SMARCC1: variants seen among roughly 807,000 people sequenced by gnomAD.
SMARCC1 encodes SWI/SNF related BAF chromatin remodeling complex subunit C1.
In SMARCC1, 43 loss-of-function variants were observed where a neutral mutation model predicts 147.4. The ratio of observed to expected loss-of-function variants is 0.29; its 90% CI spans 0.23 to 0.38. The LOEUF (loss-of-function observed/expected upper bound fraction) is 0.38, where lower values mean the gene tolerates loss of function less well. Among genes scored for constraint, SMARCC1 ranks in the 10% least tolerant of loss-of-function variants. The pLI is 1.00. For synonymous variants in SMARCC1, 495 were observed against 484.4 expected, an observed-to-expected ratio of 1.02 and a Z score of -0.29; for missense variants, 1,119 against 1,381.1, an observed-to-expected ratio of 0.81 and a Z score of 3.01.
intron 27 of SMARCC1, among the ~76,000 whole-genome samples, chr3:47,588,511 C>T (rs999717571): frequency 6.6e-6 from 1 of 152,122 alleles, no homozygotes; most frequent in Admixed American, 6.5e-5. Flanking sequence ...TTAGCCTAAC[C>T]CTAGTGGCTG....
At chr3:47,608,872 A>G (rs1305223871) in intron 26 of SMARCC1, among the ~76,000 whole-genome samples, 2 of 151,010 alleles carry the variant, frequency 1.3e-5, no homozygotes, top group African/African-American at 4.9e-5. Flanking sequence ...AAAAAAAAAA[A>G]AAGTGTGAAT....
chr3:47,607,981 A>T (rs1186688291), intron 26 of SMARCC1, among the ~76,000 whole-genome samples: 3 of 152,160 alleles, frequency 2.0e-5, no homozygotes, highest in Admixed American at 2.0e-4. Context: ...ACACAAAAAA[A>T]CCCTTTGCTG....
At chr3:47,704,753 C>CA (rs1249512479) in intron 10 of SMARCC1, among the ~76,000 whole-genome samples, 3 of 151,544 alleles carry the variant, frequency 2.0e-5, no homozygotes, top group African/African-American at 7.3e-5. Flanking sequence ...ACTATCTCTA[C>CA]AAAAAATACA....
chr3:47,619,465 A>G lies in SMARCC1; in HGVS notation c.2781+2742T>C, dbSNP rs116120903. On this transcript the variant is annotated intron_variant, in intron 25 of 27. Coordinates refer to ENST00000254480, the MANE Select transcript of SMARCC1 (RefSeq NM_003074.4). ...AAGCGCTCTGTGAGGCTGCCACTGC[A>G]GTAAATGTGAAGGCCATGCCACCCA... Among the ~76,000 whole-genome samples the G allele has an allele frequency of 3.5e-3, 528 of 152,354 alleles. 3 individuals carry two copies. Among genetic ancestry groups the G allele is most frequent in the African/African-American group, 0.012 (495 of 41,590 alleles).
intron 5 of SMARCC1, among the ~76,000 whole-genome samples, chr3:47,733,969 A>G (rs114993247): frequency 1.3e-3 from 200 of 151,868 alleles, no homozygotes; most frequent in African/African-American, 4.5e-3. Flanking sequence ...ACATATATGT[A>G]CGTGTGTGTA....
chr3:47,621,417 A>AGTGGACTGG (rs2032729701), intron 25 of SMARCC1, among the ~76,000 whole-genome samples: 1 of 152,260 alleles, frequency 6.6e-6, no homozygotes, highest in Non-Finnish European at 1.5e-5. Flanking sequence ...GGTGCCCATC[A>AGTGGACTGG]ATAGTGGACT....
At chr3:47,757,626 T>C (rs1468372442) in intron 2 of SMARCC1, among the ~76,000 whole-genome samples, 1 of 151,118 alleles carries the variant, frequency 6.6e-6, no homozygotes, top group Non-Finnish European at 1.5e-5. Flanking sequence ...CTACTAAAAA[T>C]ACAAAAACTT....
chr3:47,735,391 C>A, intron 5 of SMARCC1, among the ~76,000 whole-genome samples: 1 of 152,054 alleles, frequency 6.6e-6, no homozygotes, highest in East Asian at 1.9e-4. Flanking sequence ...TGGCTCACAC[C>A]TATAATCAAT....
intron 21 of SMARCC1, among the ~76,000 whole-genome samples, chr3:47,645,292 C>A (rs572262450): frequency 2.0e-5 from 3 of 150,348 alleles, no homozygotes; most frequent in African/African-American, 2.4e-5. Context: ...CCCTGTCCCC[C>A]CCACCAAAAA....
At chr3:47,669,417 AGT>A in intron 19 of SMARCC1, among the ~76,000 whole-genome samples, 3 of 152,320 alleles carry the variant, frequency 2.0e-5, no homozygotes, top group Admixed American at 2.0e-4. Context: ...GCAATACAAA[AGT>A]GTGTTTATAG....
intron 24 of SMARCC1, among the ~76,000 whole-genome samples, chr3:47,634,774 G>A (rs1335753702): frequency 1.3e-5 from 2 of 152,150 alleles, no homozygotes; most frequent in Non-Finnish European, 2.9e-5. Flanking sequence ...CTTTCAGTCT[G>A]TAAGATCAGG....
At chr3:47,764,984 G>A (rs2034818760) in intron 2 of SMARCC1, among the ~76,000 whole-genome samples, 1 of 152,220 alleles carries the variant, frequency 6.6e-6, no homozygotes, top group African/African-American at 2.4e-5. Flanking sequence ...AGGCGCGGTG[G>A]CTCACGCCTG....
chr3:47,702,808 G>A (rs958087880), intron 10 of SMARCC1, among the ~76,000 whole-genome samples: 10 of 152,236 alleles, frequency 6.6e-5, no homozygotes, highest in African/African-American at 2.2e-4. Context: ...GTTTCACTAT[G>A]TTGCCTCAGG....
intron 18 of SMARCC1, 149 bp from the exon 19 acceptor site, chr3:47,670,866 TA>T (rs1357742352): frequency 4.7e-6 from 3 of 632,128 alleles, no homozygotes; most frequent in Non-Finnish European, 8.6e-6. Flanking sequence ...TTAAGGAGCC[TA>T]AACTTCTATA....
intron 17 of SMARCC1, 75 bp downstream of exon 17, chr3:47,676,554 T>C: frequency 1.9e-6 from 2 of 1,031,086 alleles, no homozygotes; most frequent in East Asian, 2.5e-5. Context: ...ATAATAATAA[T>C]TGTTTCTAAA....
chr3:47,740,211 T>A lies in SMARCC1; in HGVS notation c.402-2101A>T, dbSNP rs370749284. 3.5e-4 allele frequency among the ~76,000 whole-genome samples: 27 copies of A among 78,098 alleles called. No homozygotes were observed. The East Asian group carries it at 4.9e-3, about 14-fold the overall frequency. 51.2% of individuals were successfully genotyped at this position (78,098 alleles called of 152,430 possible). A position where few individuals can be genotyped will look rare whatever the true frequency, so the allele number is the denominator to read the frequency against. ...TTTTTTTTTTTTTTTTTTTTTTTTT[T>A]AAAAGACAGACTCTCGCCCTGTCGT... is the stretch of plus-strand genomic sequence containing the variant. On this transcript the variant is annotated intron_variant, in intron 3 of 27. Transcript: ENST00000254480.
chr3:47,702,513 TGGA>T (rs1325507227), intron 10 of SMARCC1, among the ~76,000 whole-genome samples: 3 of 152,102 alleles, frequency 2.0e-5, no homozygotes, highest in Non-Finnish European at 4.4e-5. Context: ...CCCAGAACAT[TGGA>T]AGGGCAAGGC....
chr3:47,680,201 A>G, intron 15 of SMARCC1: 1 of 402,410 alleles, frequency 2.5e-6, no homozygotes, highest in Non-Finnish European at 4.5e-6. Context: ...CAGCCTGGGC[A>G]ACAGAGTGAG....
intron 19 of SMARCC1, among the ~76,000 whole-genome samples, chr3:47,663,066 T>C (rs1053542900): frequency 3.1e-5 from 4 of 130,452 alleles, no homozygotes; most frequent in South Asian, 2.7e-4. Context: ...GCAAGAGTGA[T>C]AGAAAGAAAG....
Sources: gnomAD v4.1 joint callset for allele counts (sites outside exome capture counted in the v4.1 genomes callset) on GRCh38, gnomAD v4.1.1 for gene constraint, MANE v1.5 for transcripts, NCBI Gene and HGNC (gene_info 2026-07-23, HGNC 2026-07-21) for gene names.